APBB2: variants seen among roughly 807,000 people sequenced by gnomAD.
The protein encoded by APBB2 is amyloid beta precursor protein binding family B member 2.
A neutral mutation model predicts 82.5 loss-of-function variants in APBB2; 38 were observed. That is an observed-to-expected ratio of 0.46 (90% CI 0.36 to 0.60). The LOEUF (loss-of-function observed/expected upper bound fraction) is 0.60, where lower values mean the gene tolerates loss of function less well. Among genes scored for constraint, APBB2 ranks in the 20% least tolerant of loss-of-function variants. APBB2 has a pLI of 0.00. For missense variants in APBB2, 772 were observed against 972.3 expected, an observed-to-expected ratio of 0.79 and a Z score of 2.74; for synonymous variants, 341 against 368.2, an observed-to-expected ratio of 0.93 and a Z score of 0.85.
intron 4 of APBB2, among the ~76,000 whole-genome samples, chr4:41,053,335 C>T (rs994723102): frequency 5.3e-5 from 8 of 151,916 alleles, no homozygotes; most frequent in African/African-American, 1.7e-4. Context: ...TTTCTACCTT[C>T]CATGTGGAAA....
chr4:40,973,651 C>T (rs1268142245), intron 6 of APBB2, among the ~76,000 whole-genome samples: 1 of 152,124 alleles, frequency 6.6e-6, no homozygotes, highest in Non-Finnish European at 1.5e-5. Flanking sequence ...AGTCTAAAAT[C>T]AAGGTGTTGG....
chr4:41,208,049 T>C (rs1778398123), intron 1 of APBB2: 1 of 152,244 alleles, frequency 6.6e-6, no homozygotes, highest in African/African-American at 2.4e-5. Context: ...GCTAACATTA[T>C]GCTCTGCATA....
chr4:40,973,775 T>G (rs1448643653), intron 6 of APBB2, among the ~76,000 whole-genome samples: 3 of 152,134 alleles, frequency 2.0e-5, no homozygotes, highest in Non-Finnish European at 4.4e-5. Flanking sequence ...AATCTCTGCC[T>G]GTCTTCACAT....
chr4:40,812,049 G>C lies in APBB2; in HGVS notation c.*4043C>G, dbSNP rs1362059938. On this transcript the variant is annotated 3_prime_UTR_variant, in exon 18 of 18. Transcript: ENST00000508593. ...AAGACTCGAGTTGGTGACTAAATAG[G>C]CTTCTATGTCCGGAAGGCCAGCTGG... The C allele has an allele frequency of 6.6e-6, 1 of 152,120 alleles. No homozygotes were observed. Among genetic ancestry groups the C allele is most frequent in the East Asian group, 1.9e-4 (1 of 5,198 alleles). 9.4% of individuals were successfully genotyped at this position (152,120 alleles called of 1,614,324 possible). A position where few individuals can be genotyped will look rare whatever the true frequency, so the allele number is the denominator to read the frequency against.
chr4:40,918,516 G>A (rs925159620), intron 10 of APBB2, among the ~76,000 whole-genome samples: 32 of 152,348 alleles, frequency 2.1e-4, no homozygotes, highest in African/African-American at 6.7e-4. Flanking sequence ...TGCCGTTAAT[G>A]GCAGCAGGCC....
chr4:41,107,886 A>G (rs995085353), intron 2 of APBB2, among the ~76,000 whole-genome samples: 1 of 152,212 alleles, frequency 6.6e-6, no homozygotes, highest in Non-Finnish European at 1.5e-5. Flanking sequence ...TAAAAAGACA[A>G]AATTCAATGA....
intron 6 of APBB2, among the ~76,000 whole-genome samples, chr4:40,995,825 C>T (rs936878535): frequency 2.0e-5 from 3 of 151,992 alleles, no homozygotes; most frequent in African/African-American, 7.2e-5. Context: ...TGTGAGCCAC[C>T]GTGCCAGCCC....
chr4:40,857,901 TTATAAATCTGAATA>T (rs1761804694), intron 12 of APBB2, among the ~76,000 whole-genome samples: 1 of 152,186 alleles, frequency 6.6e-6, no homozygotes, highest in Admixed American at 6.5e-5. Context: ...AATTGTAGTT[TTATAAATCTGAATA>T]ATCAGATTTC....
chr4:41,180,739 G>C (rs1771108255), intron 1 of APBB2, among the ~76,000 whole-genome samples: 1 of 152,124 alleles, frequency 6.6e-6, no homozygotes, highest in African/African-American at 2.4e-5. Context: ...CCACCTTCAA[G>C]GACTCCTGAT....
chr4:41,026,364 T>C (rs1205123995), intron 5 of APBB2, among the ~76,000 whole-genome samples: 3 of 152,208 alleles, frequency 2.0e-5, no homozygotes, highest in Non-Finnish European at 4.4e-5. Flanking sequence ...TAAATTTATA[T>C]ACCATATTTT....
intron 5 of APBB2, among the ~76,000 whole-genome samples, chr4:41,027,322 C>T (rs538735839): frequency 2.0e-5 from 3 of 147,024 alleles, no homozygotes; most frequent in South Asian, 2.2e-4. Flanking sequence ...CTTTTTTGTA[C>T]ATACACACAC....
intron 3 of APBB2, among the ~76,000 whole-genome samples, chr4:41,094,278 A>G (rs762039788): frequency 4.1e-4 from 62 of 152,342 alleles, no homozygotes; most frequent in Middle Eastern, 3.4e-3. Context: ...TGCTGCAGCA[A>G]TGAAGCAGCA....
chr4:41,041,130 T>C (rs1018143183), intron 4 of APBB2, among the ~76,000 whole-genome samples: 11 of 152,296 alleles, frequency 7.2e-5, no homozygotes, highest in Admixed American at 2.6e-4. Context: ...TTCCCCCACC[T>C]TGGCCTCCCA....
chr4:40,934,476 T>A lies in APBB2; in HGVS notation c.1234A>T (p.Asn412Tyr), dbSNP rs1560320452. The A allele has an allele frequency of 6.2e-7, 1 of 1,614,214 alleles. No individual in the cohort carries two copies. Among genetic ancestry groups the A allele is most frequent in the East Asian group, 2.2e-5 (1 of 44,882 alleles). Residue 412 changes from asparagine (N) to tyrosine (Y), a missense_variant, in exon 10 of 18, where the codon AAC becomes TAC. Coordinates refer to ENST00000508593, the MANE Select transcript of APBB2 (RefSeq NM_004307.2). ...CAAACCTTGGCTTCTGGGTCACTGT[T>A]GATACTACAAGAATCATCATCATCA... is the stretch of plus-strand genomic sequence containing the variant. ...HPDDDDSCSI[N>Y]SDPEAKCFAV...
chr4:40,938,365 C>A (rs749385295), intron 7 of APBB2, among the ~76,000 whole-genome samples: 6 of 152,154 alleles, frequency 3.9e-5, no homozygotes, highest in Non-Finnish European at 8.8e-5. Context: ...GTATGGCACT[C>A]CTCAAAACCC....
At chr4:40,895,736 C>T (rs1021981909) in intron 10 of APBB2, among the ~76,000 whole-genome samples, 1 of 152,246 alleles carries the variant, frequency 6.6e-6, no homozygotes, top group Non-Finnish European at 1.5e-5. Flanking sequence ...AGTAAAATCA[C>T]AGTGTCCCAG....
At chr4:40,871,256 C>A (rs1022362296) in intron 12 of APBB2, among the ~76,000 whole-genome samples, 9 of 152,266 alleles carry the variant, frequency 5.9e-5, no homozygotes, top group Non-Finnish European at 1.0e-4. Context: ...GCGATCCTCC[C>A]GCCTCAGACT....
chr4:41,086,410 C>A (rs1416940732), intron 3 of APBB2, among the ~76,000 whole-genome samples: 1 of 152,100 alleles, frequency 6.6e-6, no homozygotes, highest in Non-Finnish European at 1.5e-5. Flanking sequence ...ATGCAAAAAT[C>A]ATTAGCAGAA....
chr4:40,936,817 T>C (rs191545402), intron 7 of APBB2, among the ~76,000 whole-genome samples: 22 of 152,318 alleles, frequency 1.4e-4, no homozygotes, highest in African/African-American at 5.3e-4. Flanking sequence ...TGTTCAGTCT[T>C]TATGAAGAGA....
Sources: allele counts gnomAD v4.1 joint callset (sites outside exome capture counted in the v4.1 genomes callset), GRCh38; gene constraint gnomAD v4.1.1; transcripts MANE v1.5; gene names NCBI Gene and HGNC (gene_info 2026-07-23, HGNC 2026-07-21).